DAOA: variants seen among roughly 807,000 people sequenced by gnomAD.
DAOA encodes the protein D-amino acid oxidase regulator.
DAOA carries 15 observed loss-of-function variants against 16.4 expected under a neutral mutation model. The ratio of observed to expected loss-of-function variants is 0.91; its 90% CI spans 0.61 to 1.41. The LOEUF is 1.41. Among genes scored for constraint, DAOA ranks in the 40% most tolerant of loss-of-function variants. The pLI is 0.00. For missense variants in DAOA, 230 were observed against 176.8 expected (o/e 1.30, Z -1.71); for synonymous variants, 75 against 59.1 (o/e 1.27, Z -1.23).
chr13:105,477,379 G>T (rs1381554910), intron 4 of DAOA, among the ~76,000 whole-genome samples: 1 of 152,088 alleles, frequency 6.6e-6, no homozygotes, highest in African/African-American at 2.4e-5. Flanking sequence ...AAAACATATT[G>T]GTTATAAAAA....
At chr13:105,467,278 A>AC in intron 3 of DAOA, 137 bp downstream of exon 3, 1 of 985,948 alleles carries the variant, frequency 1.0e-6, no homozygotes, top group South Asian at 2.0e-5. Flanking sequence ...CAGGAAGAAA[A>AC]TTTTTCCAGT....
chr13:105,467,165 T>A, intron 3 of DAOA, 24 bp downstream of exon 3: 2 of 1,564,888 alleles, frequency 1.3e-6, no homozygotes, highest in Non-Finnish European at 8.7e-7. Flanking sequence ...TATCTTTATA[T>A]GAATTTAAAT....
chr13:105,476,379 A>G (rs2139182669), intron 4 of DAOA, among the ~76,000 whole-genome samples: 1 of 152,150 alleles, frequency 6.6e-6, no homozygotes, highest in Middle Eastern at 3.4e-3. Flanking sequence ...GAGTCATGTA[A>G]AGATACAATA....
rs776194152 is a variant in DAOA, at chr13:105,466,317, C to A, written c.29C>A (p.Ser10Tyr). 5 of 1,614,072 alleles carry A rather than the reference C, an allele frequency of 3.1e-6. No homozygotes were observed. The highest frequency in any genetic ancestry group is 1.3e-5 in the African/African-American group (1 of 75,044). Reference sequence around the variant, plus strand: ...CTGGAAAAGCTGATGGGTGCTGATTCTCTCCAGCTTTTCAGGTAGGTAGCT... The same window carrying A: ...CTGGAAAAGCTGATGGGTGCTGATTATCTCCAGCTTTTCAGGTAGGTAGCT... The part of the protein sequence containing the change: MLEKLMGAD[S>Y]LQLFRSRYTL... The change falls in exon 2 of 6, where the codon TCT becomes TAT. Residue 10 changes from serine to tyrosine, a missense_variant. Ser to Tyr is a moderately radical substitution (Grantham distance 144, BLOSUM62 -2). Coordinates refer to ENST00000375936, the MANE Select transcript of DAOA (RefSeq NM_172370.5).
chr13:105,467,018 A>C, intron 2 of DAOA, 35 bp from the exon 3 acceptor site: 1 of 1,601,360 alleles, frequency 6.2e-7, no homozygotes, highest in East Asian at 2.2e-5. Flanking sequence ...GTATAAAGGA[A>C]TCTGAACACG....
chr13:105,466,332 G>A lies in DAOA; in HGVS notation c.44G>A (p.Arg15Lys). Residue 15 changes from arginine (R) to lysine (K), a missense_variant and splice_region_variant, in exon 2 of 6, where the codon AGA becomes AAA. Physicochemically the swap from Arg to Lys is conservative, Grantham distance 26 (BLOSUM62 2). Transcript: ENST00000375936. ...LMGADSLQLF[R>K]SRYTLGKIYF... ...GGTGCTGATTCTCTCCAGCTTTTCA[G>A]GTAGGTAGCTTGGGGTTTTTTACAG... is the stretch of plus-strand genomic sequence containing the variant. 6.2e-7 allele frequency: 1 copy of A among 1,614,072 alleles called. No individual in the cohort carries two copies. The highest frequency in any genetic ancestry group is 8.5e-7 in the Non-Finnish European group (1 of 1,179,964).
At chr13:105,474,840 G>A in intron 4 of DAOA, 1 of 212,538 alleles carries the variant, frequency 4.7e-6, no homozygotes, top group Non-Finnish European at 8.1e-6. Flanking sequence ...GTGTCCTTAA[G>A]GCTTTGAAAA....
At chr13:105,483,976 G>A (rs1360930902) in intron 4 of DAOA, among the ~76,000 whole-genome samples, 1 of 151,966 alleles carries the variant, frequency 6.6e-6, no homozygotes, top group Non-Finnish European at 1.5e-5. Flanking sequence ...GACACTGTTA[G>A]TCTCATATGT....
At chr13:105,466,559 C>T (rs1019134053) in intron 2 of DAOA, 1 of 633,270 alleles carries the variant, frequency 1.6e-6, no homozygotes, top group Admixed American at 3.3e-5. Context: ...GAGACATAGG[C>T]CCTCACCTAT....
At chr13:105,468,935 T>C (rs1876730471) in intron 3 of DAOA, among the ~76,000 whole-genome samples, 1 of 152,214 alleles carries the variant, frequency 6.6e-6, no homozygotes, top group Non-Finnish European at 1.5e-5. Context: ...TTGTTAGCTG[T>C]AAATAGACAT....
intron 4 of DAOA, chr13:105,475,014 C>T: frequency 1.0e-6 from 1 of 985,746 alleles, no homozygotes; most frequent in Non-Finnish European, 1.2e-6. Flanking sequence ...TTTGCACTGT[C>T]ATTTTAAAAG....
Position 105,466,050 on chromosome 13 carries a change from G to C in DAOA, c.-84G>C, listed in dbSNP as rs949953750. ...AAAGCCAGAAAGTAGAGTGAAGCAAGTAATGTGTGTGTGAGTAGTCATTGG... is the reference window on the plus strand; with the variant it reads ...AAAGCCAGAAAGTAGAGTGAAGCAACTAATGTGTGTGTGAGTAGTCATTGG... On this transcript the variant is annotated 5_prime_UTR_variant, in exon 1 of 6. Coordinates refer to ENST00000375936, the MANE Select transcript of DAOA (RefSeq NM_172370.5). The C allele has an allele frequency of 2.3e-5, 10 of 433,072 alleles. No homozygotes were observed. The highest frequency in any genetic ancestry group is 2.0e-4 in the African/African-American group (10 of 49,384). The allele number at this position is 433,072 out of a possible 1,614,324, so 26.8% of individuals were successfully genotyped here.
chr13:105,467,792 T>C (rs1359085837), intron 3 of DAOA: 1 of 150,420 alleles, frequency 6.6e-6, no homozygotes, highest in African/African-American at 2.4e-5. Flanking sequence ...TTCTACACTA[T>C]AGCAGATAAC....
intron 4 of DAOA, chr13:105,475,063 A>G: frequency 1.5e-5 from 15 of 985,246 alleles, no homozygotes; most frequent in Non-Finnish European, 1.8e-5. Flanking sequence ...ATGGAAGGAG[A>G]CACTGAGGTA....
rs576575846 is a variant in DAOA, at chr13:105,470,260, A to T, written c.134-2278A>T. On this transcript the variant is annotated intron_variant, in intron 3 of 5. Transcript: ENST00000375936. The stretch of plus-strand genomic sequence containing the variant: ...ATAGCAGCTATCTTTGTTATGTATT[A>T]AGCACACTGTCCTCATATAAAATGC... Among the ~76,000 whole-genome samples the T allele has an allele frequency of 4.9e-4, 75 of 152,256 alleles. 1 individual carries two copies. The Middle Eastern group carries it at 0.017, about 35-fold the overall frequency.
chr13:105,479,843 A>G lies in DAOA; in HGVS notation c.281+7158A>G, dbSNP rs117726944. ...AGAAACTCATAGAAAGAGTTCACATAGACTCTTGGAATTTAGAAGAAGGGG... is the reference window on the plus strand; with the variant it reads ...AGAAACTCATAGAAAGAGTTCACATGGACTCTTGGAATTTAGAAGAAGGGG... On this transcript the variant is annotated intron_variant, in intron 4 of 5. Transcript: ENST00000375936. Among the ~76,000 whole-genome samples, 92 of 152,326 alleles carry G rather than the reference A, an allele frequency of 6.0e-4. 1 individual carries two copies. The highest frequency in any genetic ancestry group is 1.2e-3 in the Non-Finnish European group (83 of 68,034).
chr13:105,490,357 T>C (rs1296706678), intron 5 of DAOA, 165 bp downstream of exon 5: 1 of 207,654 alleles, frequency 4.8e-6, no homozygotes, highest in Non-Finnish European at 8.6e-6. Flanking sequence ...AAATTATTAT[T>C]GAAAGTTACA....
intron 4 of DAOA, among the ~76,000 whole-genome samples, chr13:105,485,920 T>C (rs930668056): frequency 1.7e-4 from 26 of 152,130 alleles, no homozygotes; most frequent in African/African-American, 6.3e-4. Flanking sequence ...AGAGAATAGA[T>C]TTCTGTTATT....
At chr13:105,482,506 GTT>G (rs11287379) in intron 4 of DAOA, among the ~76,000 whole-genome samples, 158 of 134,108 alleles carry the variant, frequency 1.2e-3, no homozygotes, top group African/African-American at 3.7e-3. Context: ...CTTGGTGTAA[GTT>G]TTTTTTTTTT....
Sources: allele counts gnomAD v4.1 joint callset (sites outside exome capture counted in the v4.1 genomes callset), GRCh38; gene constraint gnomAD v4.1.1; transcripts MANE v1.5; gene names NCBI Gene and HGNC (gene_info 2026-07-23, HGNC 2026-07-21).